ATG4C: variants seen among roughly 807,000 people sequenced by gnomAD.
The protein encoded by ATG4C is autophagy related 4C cysteine peptidase, also known as cysteine protease ATG4C.
Under a neutral mutation model 57.6 loss-of-function variants are expected in ATG4C, and 56 were observed. That is an observed-to-expected ratio of 0.97 (90% CI 0.78 to 1.21). ATG4C has a LOEUF of 1.21. ATG4C is among the 50% of genes most tolerant of loss of function. The pLI is 0.00. For missense variants in ATG4C, 595 were observed against 529.8 expected (o/e 1.12, Z -1.21); for synonymous variants, 157 against 174.1 (o/e 0.90, Z 0.78).
rs151155462 is a variant in ATG4C at position 62,856,345 on chromosome 1, G to C, written c.1210-7647G>C. Among the ~76,000 whole-genome samples, 97 of 152,216 alleles carry C rather than the reference G, an allele frequency of 6.4e-4. 1 individual carries two copies. The highest frequency in any genetic ancestry group is 2.1e-3 in the African/African-American group (89 of 41,528). On this transcript the variant is annotated intron_variant, in intron 10 of 10. Coordinates refer to ENST00000317868, the MANE Select transcript of ATG4C (RefSeq NM_032852.4). ...ATCTTCAGCAGCTTATAGTTTATTT[G>C]GGGAGACATGAAATGGAGGTTAAAG...
At chr1:62,827,497 G>A (rs1430004073) in intron 6 of ATG4C, among the ~76,000 whole-genome samples, 1 of 151,964 alleles carries the variant, frequency 6.6e-6, no homozygotes, top group Non-Finnish European at 1.5e-5. Flanking sequence ...TTCTCTCTTT[G>A]TTTTTTCAAA....
Position 62,864,029 on chromosome 1 carries a change from T to C in ATG4C, c.1247T>C (p.Phe416Ser). The change falls in exon 11 of 11, where the codon TTT (phenylalanine) becomes TCT (serine). Residue 416 changes from phenylalanine to serine, a missense_variant. Phe to Ser is a radical substitution (Grantham distance 155). Coordinates refer to ENST00000317868, the MANE Select transcript of ATG4C (RefSeq NM_032852.4). ...KFSSKEKYPLFTFVNGHSRDY... is the reference protein window; with the variant it reads ...KFSSKEKYPLSTFVNGHSRDY... The stretch of plus-strand genomic sequence containing the variant: ...TCTTCTAAGGAGAAATATCCCTTAT[T>C]TACTTTTGTAAATGGTCATTCCAGA... The C allele has an allele frequency of 6.3e-7, 1 of 1,585,786 alleles. No homozygotes were observed. The highest frequency in any genetic ancestry group is 8.5e-7 in the Non-Finnish European group (1 of 1,170,060).
At position 62,854,124 on chromosome 1, in the gene ATG4C, T is replaced by G. The variant is rs1218134365; in HGVS notation, c.1210-9868T>G. ...GAATTCCTTTCTTTTTTTGGATGTA[T>G]TTTCTCTTTTCCCCTAGAAAATTAA... On this transcript the variant is annotated intron_variant, in intron 10 of 10. Transcript: ENST00000317868. Among the ~76,000 whole-genome samples, 3 of 151,722 alleles carry G rather than the reference T, an allele frequency of 2.0e-5. No homozygotes were observed. The East Asian group carries it at 5.8e-4, about 29-fold the overall frequency.
chr1:62,834,517 G>T (rs1297288797), intron 8 of ATG4C, among the ~76,000 whole-genome samples: 4 of 152,034 alleles, frequency 2.6e-5, no homozygotes, highest in African/African-American at 9.7e-5. Flanking sequence ...GAATATAATT[G>T]TGTGTTTGTG....
At chr1:62,848,144 G>T (rs1342945122) in intron 10 of ATG4C, among the ~76,000 whole-genome samples, 1 of 121,440 alleles carries the variant, frequency 8.2e-6, no homozygotes, top group East Asian at 3.2e-4. Context: ...TCTCCTTTAA[G>T]TTCTTTTTTG....
intron 10 of ATG4C, among the ~76,000 whole-genome samples, chr1:62,854,540 G>A (rs1270084704): frequency 1.3e-5 from 2 of 152,098 alleles, no homozygotes; most frequent in Non-Finnish European, 2.9e-5. Context: ...GCCTCCCAAA[G>A]TGCTGGGATT....
intron 1 of ATG4C, among the ~76,000 whole-genome samples, chr1:62,803,384 A>G (rs1434788656): frequency 3.9e-5 from 6 of 152,168 alleles, no homozygotes; most frequent in African/African-American, 9.7e-5. Flanking sequence ...ACTTGCGCCA[A>G]TGCACCAGAG....
chr1:62,807,005 T>A (rs920646211), intron 3 of ATG4C, among the ~76,000 whole-genome samples: 1 of 152,216 alleles, frequency 6.6e-6, no homozygotes, highest in Non-Finnish European at 1.5e-5. Flanking sequence ...CCAGCTGGCT[T>A]CTTAATTACA....
intron 10 of ATG4C, among the ~76,000 whole-genome samples, chr1:62,856,161 A>G (rs1361133240): frequency 6.6e-6 from 1 of 152,112 alleles, no homozygotes; most frequent in African/African-American, 2.4e-5. Context: ...ATTTTGGTTA[A>G]GGTCTTTTTG....
At chr1:62,812,331 A>T (rs1665114962) in intron 3 of ATG4C, among the ~76,000 whole-genome samples, 1 of 152,220 alleles carries the variant, frequency 6.6e-6, no homozygotes, top group African/African-American at 2.4e-5. Flanking sequence ...ACAAATCAAT[A>T]AATGTAATCC....
intron 7 of ATG4C, among the ~76,000 whole-genome samples, chr1:62,831,045 A>T (rs184521676): frequency 1.1e-3 from 169 of 152,278 alleles, no homozygotes; most frequent in African/African-American, 3.8e-3. Context: ...TTTGTTTTTC[A>T]TGGTTTTCTC....
At position 62,820,374 on chromosome 1, in the gene ATG4C, G is replaced by A. The variant is rs147404498; in HGVS notation, c.726-765G>A. Among the ~76,000 whole-genome samples the A allele has an allele frequency of 2.6e-3, 402 of 152,080 alleles. 1 individual carries two copies. The highest frequency in any genetic ancestry group is 4.0e-3 in the Non-Finnish European group (273 of 67,912). On this transcript the variant is annotated intron_variant, in intron 5 of 10. Coordinates refer to ENST00000317868, the MANE Select transcript of ATG4C (RefSeq NM_032852.4). Reference sequence around the variant, plus strand: ...AACTGTCAAAAACCTTTCTTAGCTTGCAGATGGTACAAAAACAGGATACAG... The same window carrying A: ...AACTGTCAAAAACCTTTCTTAGCTTACAGATGGTACAAAAACAGGATACAG...
At chr1:62,821,292 A>G in intron 6 of ATG4C, 83 bp downstream of exon 6, 2 of 803,332 alleles carry the variant, frequency 2.5e-6, no homozygotes, top group Non-Finnish European at 3.7e-6. Flanking sequence ...TAATACTGTA[A>G]ATGATTATGA....
At chr1:62,786,278 T>C (rs1664079960) in intron 1 of ATG4C, among the ~76,000 whole-genome samples, 4 of 152,174 alleles carry the variant, frequency 2.6e-5, no homozygotes, top group African/African-American at 4.8e-5. Context: ...CTCTTCAAGG[T>C]GCTGGGGATA....
chr1:62,793,597 G>GAAAAAAAAAAAAAAAAAAAAAAAACA (rs746057232), intron 1 of ATG4C, among the ~76,000 whole-genome samples: 1 of 20,538 alleles, frequency 4.9e-5, no homozygotes, highest in African/African-American at 2.0e-4. Context: ...ACCTTGTCTC[G>GAAAAAAAAAAAAAAAAAAAAAAAACA]AAAAAAAAAA....
intron 5 of ATG4C, among the ~76,000 whole-genome samples, chr1:62,820,286 T>C (rs1436994695): frequency 1.3e-5 from 2 of 152,052 alleles, no homozygotes; most frequent in Non-Finnish European, 2.9e-5. Flanking sequence ...GTAAATATTT[T>C]AGGCTTCACA....
At chr1:62,831,050 T>G (rs190565098) in intron 7 of ATG4C, among the ~76,000 whole-genome samples, 30 of 152,304 alleles carry the variant, frequency 2.0e-4, no homozygotes, top group African/African-American at 6.7e-4. Context: ...TTTTCATGGT[T>G]TTCTCTAAAA....
chr1:62,799,994 C>A (rs963751260), intron 1 of ATG4C, among the ~76,000 whole-genome samples: 1 of 151,884 alleles, frequency 6.6e-6, no homozygotes, highest in Non-Finnish European at 1.5e-5. Context: ...AGCATCTTAT[C>A]TTGCTTTTGT....
chr1:62,840,151 C>G (rs527569154), intron 9 of ATG4C, among the ~76,000 whole-genome samples: 1 of 152,032 alleles, frequency 6.6e-6, no homozygotes, highest in African/African-American at 2.4e-5. Flanking sequence ...TCCAGCTCCC[C>G]TCCCCTCCCC....
Sources: allele counts gnomAD v4.1 joint callset (sites outside exome capture counted in the v4.1 genomes callset), GRCh38; gene constraint gnomAD v4.1.1; transcripts MANE v1.5; gene names NCBI Gene and HGNC (gene_info 2026-07-23, HGNC 2026-07-21).